Variants in FGF13 observed in about 807,000 individuals in gnomAD.
FGF13 encodes fibroblast growth factor 13, also known as fibroblast growth factor homologous factor 2.
Under a neutral mutation model 19.5 loss-of-function variants are expected in FGF13, and 2 were observed. That is an observed-to-expected ratio of 0.10 (90% CI 0.04 to 0.32). The LOEUF is 0.32. Among genes scored for constraint, FGF13 ranks in the 10% least tolerant of loss-of-function variants. FGF13 has a pLI of 1.00. For synonymous variants in FGF13, 72 were observed against 76.9 expected (o/e 0.94, Z 0.33); for missense variants, 113 against 192.7 (o/e 0.59, Z 2.45).
Position 138,627,477 on chromosome X carries a change from A to C in FGF13, c.*5373T>G, listed in dbSNP as rs1602630861. ...GAAAGGATAGCTTCTGAAGCCAGAG[A>C]GCCACATGGATTTTGAACTTGACTG... On this transcript the variant is annotated 3_prime_UTR_variant, in exon 5 of 5. Coordinates refer to ENST00000315930, the MANE Select transcript of FGF13 (RefSeq NM_004114.5). The C allele has an allele frequency of 9.1e-6, 1 of 110,093 alleles. No individual in the cohort carries two copies. The highest frequency in any genetic ancestry group is 2.9e-4 in the East Asian group (1 of 3,490). 9.1% of individuals were successfully genotyped at this position (110,093 alleles called of 1,213,427 possible).
intron 3 of FGF13, among the ~76,000 whole-genome samples, chrX:138,846,487 C>T (rs940926175): frequency 9.0e-6 from 1 of 111,570 alleles, no homozygotes; most frequent in Non-Finnish European, 1.9e-5. Context: ...GTGTCATTTC[C>T]TCGAGTCTCC....
chrX:138,907,763 C>T (rs1419610486), intron 1 of FGF13, among the ~76,000 whole-genome samples: 1 of 111,221 alleles, frequency 9.0e-6, no homozygotes, highest in Non-Finnish European at 1.9e-5. Context: ...TCTTAATGAG[C>T]CATATACACA....
At chrX:139,093,109 T>C (rs1248593814) in intron 1 of FGF13, among the ~76,000 whole-genome samples, 1 of 112,266 alleles carries the variant, frequency 8.9e-6, no homozygotes, top group African/African-American at 3.2e-5. Context: ...CACTGGGGCA[T>C]GCTGCAAATA....
chrX:138,918,883 A>T (rs1412509816), intron 1 of FGF13, among the ~76,000 whole-genome samples: 1 of 111,809 alleles, frequency 8.9e-6, no homozygotes, highest in Non-Finnish European at 1.9e-5. Flanking sequence ...TGGCCTGAAA[A>T]ATCATCATTT....
intron 1 of FGF13, among the ~76,000 whole-genome samples, chrX:138,994,906 G>A (rs957379801): frequency 3.7e-5 from 4 of 108,891 alleles, no homozygotes; most frequent in African/African-American, 6.7e-5. Flanking sequence ...AGAGAGGGGT[G>A]TAGCTACAAG....
chrX:139,184,923 A>G (rs1388386839), intron 1 of FGF13, among the ~76,000 whole-genome samples: 1 of 112,118 alleles, frequency 8.9e-6, no homozygotes, highest in Non-Finnish European at 1.9e-5. Context: ...TCTTTAGAGA[A>G]AACACTCAAA....
In FGF13 at chrX:138,615,076, A is replaced by C. The variant is rs2088956707; in HGVS notation, c.*17774T>G. 8.9e-6 allele frequency: 1 copy of C among 112,070 alleles called. No individual in the cohort carries two copies. The highest frequency in any genetic ancestry group is 3.7e-4 in the South Asian group (1 of 2,708). 9.2% of individuals were successfully genotyped at this position (112,070 alleles called of 1,213,427 possible). The stretch of plus-strand genomic sequence containing the variant: ...TGTTTATAAAGGAATAGCACAAGGG[A>C]TCTTAGTGGTGACGGAACAGTTCCA... On this transcript the variant is annotated 3_prime_UTR_variant, in exon 5 of 5. Transcript: ENST00000315930.
intron 3 of FGF13, among the ~76,000 whole-genome samples, chrX:138,778,328 G>C (rs1263264330): frequency 9.0e-6 from 1 of 111,467 alleles, no homozygotes; most frequent in Non-Finnish European, 1.9e-5. Flanking sequence ...TGGCCGAATA[G>C]GAACAGCTCC....
intron 1 of FGF13, among the ~76,000 whole-genome samples, chrX:138,978,098 T>C (rs191725783): frequency 9.0e-6 from 1 of 110,835 alleles, no homozygotes; most frequent in Non-Finnish European, 1.9e-5. Flanking sequence ...AAAGCTCCAG[T>C]GGACAGCATT....
chrX:139,141,108 C>T, intron 1 of FGF13, among the ~76,000 whole-genome samples: 1 of 107,137 alleles, frequency 9.3e-6, no homozygotes, highest in South Asian at 4.2e-4. Flanking sequence ...AGTGTACACA[C>T]ACACACACAC....
At chrX:138,868,862 G>A (rs773932448) in intron 1 of FGF13, among the ~76,000 whole-genome samples, 4 of 110,648 alleles carry the variant, frequency 3.6e-5, no homozygotes, top group South Asian at 7.8e-4. Flanking sequence ...ATGGTTGCCC[G>A]AAATTTCCAG....
chrX:138,697,110 T>G (rs925479646), intron 3 of FGF13, among the ~76,000 whole-genome samples: 1 of 112,073 alleles, frequency 8.9e-6, no homozygotes, highest in Non-Finnish European at 1.9e-5. Context: ...AACTTAGGCA[T>G]GTAACATTCT....
At chrX:138,963,053 T>C (rs914625270) in intron 1 of FGF13, among the ~76,000 whole-genome samples, 2 of 112,589 alleles carry the variant, frequency 1.8e-5, no homozygotes, top group African/African-American at 6.5e-5. Context: ...CCATTTGACT[T>C]TCTTGGTACA....
intron 1 of FGF13, among the ~76,000 whole-genome samples, chrX:139,102,083 A>G (rs2083519177): frequency 8.9e-6 from 1 of 112,144 alleles, no homozygotes; most frequent in Non-Finnish European, 1.9e-5. Context: ...AGTATCTTAT[A>G]GTTCTTCTAG....
intron 1 of FGF13, among the ~76,000 whole-genome samples, chrX:138,940,032 A>T (rs1176400079): frequency 8.9e-6 from 1 of 111,892 alleles, no homozygotes; most frequent in Non-Finnish European, 1.9e-5. Context: ...TTACACTCCT[A>T]CCAGAATTGT....
chrX:138,850,492 C>G (rs942677485), intron 3 of FGF13, among the ~76,000 whole-genome samples: 12 of 111,556 alleles, frequency 1.1e-4, no homozygotes, highest in Non-Finnish European at 5.7e-5. Flanking sequence ...TGACCAAGGC[C>G]ACCAGATTTC....
intron 3 of FGF13, among the ~76,000 whole-genome samples, chrX:138,661,095 GTA>G (rs1250944054): frequency 9.0e-6 from 1 of 111,281 alleles, no homozygotes; most frequent in Non-Finnish European, 1.9e-5. Flanking sequence ...GGAGTTAGGG[GTA>G]GTTAACAGAT....
At chrX:138,918,435 C>T (rs1430418922) in intron 1 of FGF13, among the ~76,000 whole-genome samples, 1 of 111,651 alleles carries the variant, frequency 9.0e-6, no homozygotes, top group African/African-American at 3.3e-5. Context: ...TCCTGCTTCT[C>T]TCATGAGGAA....
chrX:138,960,397 G>A (rs1325341327), intron 1 of FGF13, among the ~76,000 whole-genome samples: 4 of 112,145 alleles, frequency 3.6e-5, no homozygotes, highest in Non-Finnish European at 7.5e-5. Flanking sequence ...CCCGCTGTTA[G>A]TCTGATGGGC....
Sources: gnomAD v4.1 joint callset for allele counts (sites outside exome capture counted in the v4.1 genomes callset) on GRCh38, gnomAD v4.1.1 for gene constraint, MANE v1.5 for transcripts, NCBI Gene and HGNC (gene_info 2026-07-23, HGNC 2026-07-21) for gene names.